Variants in SHISA9 observed in about 807,000 individuals in gnomAD.
The protein encoded by SHISA9 is shisa family member 9, also known as protein shisa-9.
SHISA9 carries 13 observed loss-of-function variants against 38.0 expected under a neutral mutation model. The ratio of observed to expected loss-of-function variants is 0.34; its 90% CI spans 0.22 to 0.54. The LOEUF (loss-of-function observed/expected upper bound fraction) is 0.54, where lower values mean the gene tolerates loss of function less well. Among genes scored for constraint, SHISA9 ranks in the 20% least tolerant of loss-of-function variants. SHISA9 has a pLI of 0.91. For missense variants in SHISA9, 538 were observed against 575.8 expected, an observed-to-expected ratio of 0.93 and a Z score of 0.67; for synonymous variants, 275 against 242.0, an observed-to-expected ratio of 1.14 and a Z score of -1.27.
intron 2 of SHISA9, among the ~76,000 whole-genome samples, chr16:13,070,123 CGTGT>C (rs55824636): frequency 0.75 from 109,417 of 145,682 alleles, 41,482 homozygotes; most frequent in Middle Eastern, 0.88. Context: ...CTTTAAAGTA[CGTGT>C]GTGTGTGTGT....
intron 2 of SHISA9, among the ~76,000 whole-genome samples, chr16:13,123,866 T>A (rs1567220050): frequency 6.6e-6 from 1 of 152,200 alleles, no homozygotes; most frequent in Non-Finnish European, 1.5e-5. Flanking sequence ...AATTTACCTC[T>A]CTATTTTCAA....
chr16:13,273,887 G>A, the SHISA9 span, among the ~76,000 whole-genome samples: 1 of 152,098 alleles, frequency 6.6e-6, no homozygotes, highest in Non-Finnish European at 1.5e-5. Context: ...TCTGGAATCG[G>A]AAATCACTTT....
At chr16:13,250,625 C>G in the SHISA9 span, among the ~76,000 whole-genome samples, 1 of 152,264 alleles carries the variant, frequency 6.6e-6, no homozygotes, top group Admixed American at 6.5e-5. Context: ...CCCATTGTGT[C>G]TTACTCTGGG....
Position 13,238,784 on chromosome 16 carries a change from A to C in SHISA9, c.*3375A>C, listed in dbSNP as rs1030161481. On this transcript the variant is annotated 3_prime_UTR_variant, in exon 5 of 5. Coordinates refer to ENST00000558583, the MANE Select transcript of SHISA9 (RefSeq NM_001145204.3). The stretch of plus-strand genomic sequence containing the variant: ...AAGTTTGGATAGGGAAGGTCTTTTT[A>C]TTCTTTTTTTTTTAATGTATCCATG... 1.4e-5 allele frequency: 2 copies of C among 143,222 alleles called. No individual in the cohort carries two copies. Among genetic ancestry groups the C allele is most frequent in the Non-Finnish European group, 3.1e-5 (2 of 65,238 alleles). 8.9% of individuals were successfully genotyped at this position (143,222 alleles called of 1,614,324 possible).
At chr16:12,940,793 C>T (rs777159056) in intron 2 of SHISA9, among the ~76,000 whole-genome samples, 25 of 152,152 alleles carry the variant, frequency 1.6e-4, no homozygotes, top group Non-Finnish European at 2.9e-4. Context: ...GGGGGAGGTG[C>T]ATTACTCCTC....
chr16:12,956,096 C>T (rs934766557), intron 2 of SHISA9, among the ~76,000 whole-genome samples: 3 of 152,044 alleles, frequency 2.0e-5, no homozygotes, highest in Non-Finnish European at 2.9e-5. Context: ...GGGCAAAGGG[C>T]GTGACAGACA....
intron 2 of SHISA9, among the ~76,000 whole-genome samples, chr16:12,946,078 C>A (rs1356316157): frequency 6.6e-6 from 1 of 152,208 alleles, no homozygotes; most frequent in African/African-American, 2.4e-5. Context: ...GTTTTCCCAG[C>A]ACCATTTATT....
At chr16:13,131,144 T>C (rs1470239593) in intron 2 of SHISA9, among the ~76,000 whole-genome samples, 2 of 152,174 alleles carry the variant, frequency 1.3e-5, no homozygotes, top group African/African-American at 4.8e-5. Context: ...TGTCATTCTA[T>C]TATAAAGATA....
chr16:13,533,984 C>T, the SHISA9 span, among the ~76,000 whole-genome samples: 6 of 152,120 alleles, frequency 3.9e-5, no homozygotes, highest in South Asian at 2.1e-4. Context: ...AGGGTTTCAC[C>T]GTGTTAGCCA....
intron 2 of SHISA9, among the ~76,000 whole-genome samples, chr16:13,033,208 G>T (rs12596738): frequency 1.3e-5 from 2 of 151,892 alleles, no homozygotes; most frequent in Non-Finnish European, 2.9e-5. Flanking sequence ...CCCATATTTG[G>T]TTAGGCTTGG....
At chr16:13,208,799 C>T (rs1319631785) in intron 3 of SHISA9, among the ~76,000 whole-genome samples, 1 of 152,196 alleles carries the variant, frequency 6.6e-6, no homozygotes, top group Admixed American at 6.5e-5. Flanking sequence ...CCCACTGAGG[C>T]ATGAACCAAA....
chr16:12,958,181 G>A (rs553416888), intron 2 of SHISA9, among the ~76,000 whole-genome samples: 1 of 152,344 alleles, frequency 6.6e-6, no homozygotes, highest in African/African-American at 2.4e-5. Context: ...AAGGAGCATT[G>A]TTTGCAAAAC....
chr16:13,455,797 G>A, the SHISA9 span, among the ~76,000 whole-genome samples: 82,578 of 151,928 alleles, frequency 0.54, 23,299 homozygotes, highest in East Asian at 0.9. Context: ...CCCTCCCCCA[G>A]TACAATGCAT....
the SHISA9 span, among the ~76,000 whole-genome samples, chr16:13,330,861 C>G: frequency 6.6e-6 from 1 of 152,158 alleles, no homozygotes; most frequent in Non-Finnish European, 1.5e-5. Flanking sequence ...AGCCCATACT[C>G]CACTCATCAA....
At chr16:13,139,123 A>G (rs958444901) in intron 2 of SHISA9, among the ~76,000 whole-genome samples, 1 of 152,030 alleles carries the variant, frequency 6.6e-6, no homozygotes, top group Non-Finnish European at 1.5e-5. Context: ...CTGTTTTCTC[A>G]TTGCAGGGTT....
the SHISA9 span, among the ~76,000 whole-genome samples, chr16:13,293,413 G>A: frequency 6.6e-6 from 1 of 152,258 alleles, no homozygotes; most frequent in Non-Finnish European, 1.5e-5. Flanking sequence ...TGGCAGAATC[G>A]TGCAGTGGTT....
the SHISA9 span, among the ~76,000 whole-genome samples, chr16:13,323,847 T>G: frequency 6.6e-6 from 1 of 152,120 alleles, no homozygotes; most frequent in African/African-American, 2.4e-5. Context: ...CACCTGGGGA[T>G]TACAATTCAA....
chr16:13,459,282 A>T, the SHISA9 span, among the ~76,000 whole-genome samples: 3 of 152,098 alleles, frequency 2.0e-5, no homozygotes, highest in Admixed American at 1.3e-4. Context: ...GTGACAGAGG[A>T]TTTTGACAAA....
chr16:13,326,171 C>T, the SHISA9 span, among the ~76,000 whole-genome samples: 1 of 152,016 alleles, frequency 6.6e-6, no homozygotes, highest in Non-Finnish European at 1.5e-5. Flanking sequence ...TCTCTCTTAC[C>T]CTGCCTTTCC....
Sources: gnomAD v4.1 joint callset for allele counts (sites outside exome capture counted in the v4.1 genomes callset) on GRCh38, gnomAD v4.1.1 for gene constraint, MANE v1.5 for transcripts, NCBI Gene and HGNC (gene_info 2026-07-23, HGNC 2026-07-21) for gene names.